Variants in GRHL2 observed in about 807,000 individuals in gnomAD.
GRHL2 encodes the protein grainyhead like transcription factor 2, also known as grainyhead-like protein 2 homolog.
A neutral mutation model predicts 83.8 loss-of-function variants in GRHL2; 21 were observed. The observed-to-expected ratio is 0.25, with a 90% CI of 0.18 to 0.36. The LOEUF is 0.36. Among genes scored for constraint, GRHL2 ranks in the 10% least tolerant of loss-of-function variants. GRHL2 has a pLI of 1.00. For missense variants in GRHL2, 623 were observed against 781.8 expected (o/e 0.80, Z 2.42); for synonymous variants, 280 against 278.9 (o/e 1.00, Z -0.04).
intron 9 of GRHL2, among the ~76,000 whole-genome samples, chr8:101,620,437 A>G (rs1159165829): frequency 6.6e-6 from 1 of 152,242 alleles, no homozygotes; most frequent in East Asian, 1.9e-4. Flanking sequence ...TTTGTGGGTT[A>G]AATGGGACCT....
chr8:101,591,225 A>AGCAAG (rs1812274906), intron 7 of GRHL2, among the ~76,000 whole-genome samples: 1 of 152,362 alleles, frequency 6.6e-6, no homozygotes, highest in East Asian at 1.9e-4. Context: ...CTTGCCAGAA[A>AGCAAG]CACAAACACA....
chr8:101,592,454 A>G (rs894405542), intron 7 of GRHL2, among the ~76,000 whole-genome samples: 7 of 152,122 alleles, frequency 4.6e-5, no homozygotes, highest in Non-Finnish European at 7.4e-5. Flanking sequence ...CACCAAAATA[A>G]TCCAATAATG....
intron 1 of GRHL2, among the ~76,000 whole-genome samples, chr8:101,498,096 AATTTTTATTTATTTAC>A (rs1464646628): frequency 6.6e-6 from 1 of 152,156 alleles, no homozygotes; most frequent in Non-Finnish European, 1.5e-5. Context: ...GCTGGTGTTC[AATTTTTATTTATTTAC>A]ATTTTTATTT....
chr8:101,530,754 AG>A (rs1452962894), intron 1 of GRHL2, among the ~76,000 whole-genome samples: 1 of 152,192 alleles, frequency 6.6e-6, no homozygotes, highest in Non-Finnish European at 1.5e-5. Flanking sequence ...GTCTTTCTTC[AG>A]GGAGCTTACA....
At chr8:101,585,530 T>G (rs1812146097) in intron 7 of GRHL2, among the ~76,000 whole-genome samples, 1 of 152,118 alleles carries the variant, frequency 6.6e-6, no homozygotes, top group Admixed American at 6.5e-5. Context: ...AGGGGAACTC[T>G]GGGGTGTGAG....
chr8:101,503,440 T>G (rs1457811002), intron 1 of GRHL2, among the ~76,000 whole-genome samples: 1 of 152,226 alleles, frequency 6.6e-6, no homozygotes, highest in Non-Finnish European at 1.5e-5. Context: ...ATAACAGAGA[T>G]ATTCTAAGTT....
chr8:101,533,548 A>T (rs2130090543), intron 1 of GRHL2, among the ~76,000 whole-genome samples: 1 of 152,366 alleles, frequency 6.6e-6, no homozygotes, highest in Non-Finnish European at 1.5e-5. Flanking sequence ...CACAAGGAAC[A>T]TTGACCATAA....
rs1442922553 is a variant in GRHL2, at chr8:101,558,543, G to C, written c.409G>C (p.Glu137Gln). 2 of 1,614,078 alleles carry C rather than the reference G, an allele frequency of 1.2e-6. No individual in the cohort carries two copies. The change falls in exon 4 of 16, where the codon GAA (glutamate) becomes CAA (glutamine). Residue 137 changes from glutamate (E) to glutamine (Q), a missense_variant. By Grantham distance (29) the Glu-to-Gln change is conservative (BLOSUM62 2). Around this residue, in one of 8 missense-constraint regions of GRHL2, gnomAD observed 239 missense variants for 240.5 expected, o/e 0.99. Transcript: ENST00000646743. ...AGATCACCTGGAGAATTCCAAGCGG[G>C]AACAGTACAGCATCAGCTTCCCCGA... ...NQDHLENSKR[E>Q]QYSISFPESS...
downstream of GRHL2, among the ~76,000 whole-genome samples, chr8:101,674,183 C>T (rs1172712420): frequency 2.0e-5 from 3 of 151,996 alleles, no homozygotes; most frequent in East Asian, 1.9e-4. Context: ...CAAAAGCTAG[C>T]AGAAGGCAAG....
intron 12 of GRHL2, among the ~76,000 whole-genome samples, chr8:101,642,508 T>C (rs1037256827): frequency 6.6e-6 from 1 of 152,212 alleles, no homozygotes; most frequent in African/African-American, 2.4e-5. Flanking sequence ...GGTTTTTTAA[T>C]CTTCTAGCCC....
intron 7 of GRHL2, among the ~76,000 whole-genome samples, chr8:101,587,470 G>A (rs1163463218): frequency 6.6e-6 from 1 of 152,180 alleles, no homozygotes; most frequent in East Asian, 1.9e-4. Flanking sequence ...TGTGTTTAGT[G>A]CTATACAATG....
chr8:101,562,408 C>T (rs1811625991), intron 4 of GRHL2: 1 of 593,134 alleles, frequency 1.7e-6, no homozygotes, highest in Non-Finnish European at 2.8e-6. Context: ...ATCTGAACAC[C>T]TTGCAATTAT....
intron 8 of GRHL2, among the ~76,000 whole-genome samples, chr8:101,605,776 T>C (rs1812621020): frequency 6.6e-6 from 1 of 152,366 alleles, no homozygotes; most frequent in African/African-American, 2.4e-5. Context: ...CTAACACTAG[T>C]GAGCTCCTCT....
chr8:101,525,553 G>A (rs947764892), intron 1 of GRHL2, among the ~76,000 whole-genome samples: 10 of 149,604 alleles, frequency 6.7e-5, no homozygotes, highest in African/African-American at 2.5e-4. Flanking sequence ...ATGATATCTT[G>A]ATATATTGCC....
rs375359211 is a variant in GRHL2 at position 101,636,611 on chromosome 8, T to C, written c.1486-286T>C. Among the ~76,000 whole-genome samples the C allele has an allele frequency of 3.3e-5, 5 of 152,328 alleles. No individual in the cohort carries two copies. In the East Asian group the frequency reaches 5.8e-4, roughly 18 times the overall value. On this transcript the variant is annotated intron_variant, in intron 11 of 15. Transcript: ENST00000646743. ...ATTTGGCTTAATGCCATAGTTAATC[T>C]AATCAGACTGACTTTAGCTAGAAAT...
chr8:101,509,218 T>TTTCTCTCTCTTTCTTTCTTTCTTC (rs1233431378), intron 1 of GRHL2, among the ~76,000 whole-genome samples: 19 of 132,980 alleles, frequency 1.4e-4, no homozygotes, highest in Non-Finnish European at 2.9e-4. Context: ...CTTGTGTGTG[T>TTTCTCTCTCTTTCTTTCTTTCTTC]GTGTGTGTGT....
At chr8:101,657,850 A>T (rs758777819) in intron 14 of GRHL2, among the ~76,000 whole-genome samples, 23 of 151,526 alleles carry the variant, frequency 1.5e-4, no homozygotes, top group Admixed American at 1.3e-3. Context: ...AAAAGACAGA[A>T]AAAGAAAAAA....
chr8:101,626,311 A>G (rs543551540), intron 9 of GRHL2, among the ~76,000 whole-genome samples: 5 of 152,096 alleles, frequency 3.3e-5, no homozygotes, highest in Non-Finnish European at 7.4e-5. Context: ...GTGAGACTGC[A>G]GCTGAAAATA....
At chr8:101,673,226 G>C (rs1402806957), downstream of GRHL2, among the ~76,000 whole-genome samples, 2 of 151,756 alleles carry the variant, frequency 1.3e-5, no homozygotes, top group Non-Finnish European at 2.9e-5. Context: ...ATGTAAATGG[G>C]CTAAATGCTC....
Sources: gnomAD v4.1 joint callset for allele counts (sites outside exome capture counted in the v4.1 genomes callset) on GRCh38, gnomAD v4.1.1 for gene constraint, gnomAD v4.1.1 regional missense constraint, MANE v1.5 for transcripts, NCBI Gene and HGNC (gene_info 2026-07-23, HGNC 2026-07-21) for gene names.